The following GPR101 variants were observed in gnomAD, a reference collection of about 807,000 sequenced individuals.
GPR101 encodes probable G protein-coupled receptor 101.
In GPR101, 8 loss-of-function variants were observed where a neutral mutation model predicts 16.4. That is an observed-to-expected ratio of 0.49 (90% CI 0.29 to 0.88). The LOEUF is 0.88. GPR101 is among the 40% of genes least tolerant of loss of function. The pLI, the probability that GPR101 is intolerant of heterozygous loss-of-function variation, is 0.09. For missense variants in GPR101, 375 were observed against 411.7 expected, an observed-to-expected ratio of 0.91 and a Z score of 0.77; for synonymous variants, 155 against 168.7, an observed-to-expected ratio of 0.92 and a Z score of 0.63.
chrX:137,030,001 A>G lies in GPR101; in HGVS notation c.*147T>C. On this transcript the variant is annotated 3_prime_UTR_variant, in exon 2 of 2. Transcript: ENST00000651716. ...CAGTTCCTGCCTCTTCTATATATTT[A>G]TCTACCTTGTGGTGAAGAGCATGTG... The G allele has an allele frequency of 4.4e-6, 2 of 451,196 alleles. No individual in the cohort carries two copies. Among genetic ancestry groups the G allele is most frequent in the South Asian group, 5.7e-5 (1 of 17,509 alleles). The allele number at this position is 451,196 out of a possible 1,213,427, so 37.2% of individuals were successfully genotyped here. A position where few individuals can be genotyped will look rare whatever the true frequency, so the allele number is the denominator to read the frequency against.
chrX:137,028,604 G>A lies in GPR101; in HGVS notation c.*1544C>T, dbSNP rs1378041403. On this transcript the variant is annotated 3_prime_UTR_variant, in exon 2 of 2. Transcript: ENST00000651716. The stretch of plus-strand genomic sequence containing the variant: ...GCATGAACAGTTGGTTGACTCTGGA[G>A]TTGCTTTAACTTGTTCTGTAGGAGG... 8.9e-6 allele frequency among the ~76,000 whole-genome samples: 1 copy of A among 112,192 alleles called. No individual in the cohort carries two copies. Among genetic ancestry groups the A allele is most frequent in the Non-Finnish European group, 1.9e-5 (1 of 53,200 alleles).
In GPR101 at chrX:137,029,390, T is replaced by C. The variant is rs918657605; in HGVS notation, c.*758A>G. 8.9e-6 allele frequency among the ~76,000 whole-genome samples: 1 copy of C among 112,241 alleles called. No homozygotes were observed. Among genetic ancestry groups the C allele is most frequent in the African/African-American group, 3.2e-5 (1 of 30,865 alleles). On this transcript the variant is annotated 3_prime_UTR_variant, in exon 2 of 2. Coordinates refer to ENST00000651716, the MANE Select transcript of GPR101 (RefSeq NM_054021.2). Reference sequence around the variant, plus strand: ...ATTTGTGTCAATTGACAATTTACACTTAATGACCTCAGTTCCAGCCCATGC... The same window carrying C: ...ATTTGTGTCAATTGACAATTTACACCTAATGACCTCAGTTCCAGCCCATGC...
chrX:137,023,969 G>A lies in GPR101; in HGVS notation c.*6179C>T, dbSNP rs765507751. On this transcript the variant is annotated 3_prime_UTR_variant, in exon 2 of 2. Transcript: ENST00000651716. The stretch of plus-strand genomic sequence containing the variant: ...TGACTTTATTTAGAATATTTAAGAG[G>A]AATATACCAAGGATAGAATAACAGC... 7.2e-5 allele frequency among the ~76,000 whole-genome samples: 8 copies of A among 111,459 alleles called. No individual in the cohort carries two copies. Among genetic ancestry groups the A allele is most frequent in the African/African-American group, 2.6e-4 (8 of 30,722 alleles).
intron 1 of GPR101, among the ~76,000 whole-genome samples, chrX:137,032,659 C>T (rs1008090429): frequency 1.8e-5 from 2 of 110,637 alleles, no homozygotes; most frequent in Non-Finnish European, 3.8e-5. Flanking sequence ...CTCTGGGTGT[C>T]TCCTTCTGTC....
In GPR101 at chrX:137,027,719, C is replaced by A. The variant is rs982778688; in HGVS notation, c.*2429G>T. On this transcript the variant is annotated 3_prime_UTR_variant, in exon 2 of 2. Coordinates refer to ENST00000651716, the MANE Select transcript of GPR101 (RefSeq NM_054021.2). ...TCAAAAAGGAAAGGGAATCTCAGTGCCCTTGAGAATGTTGTGTGTGCTGTT... is the reference window on the plus strand; with the variant it reads ...TCAAAAAGGAAAGGGAATCTCAGTGACCTTGAGAATGTTGTGTGTGCTGTT... Among the ~76,000 whole-genome samples, 1 of 112,214 alleles carries A rather than the reference C, an allele frequency of 8.9e-6. No individual in the cohort carries two copies. The highest frequency in any genetic ancestry group is 1.9e-5 in the Non-Finnish European group (1 of 53,235).
rs1207446234 is a variant in GPR101 at position 137,027,787 on chromosome X, A to T, written c.*2361T>A. 2.7e-5 allele frequency among the ~76,000 whole-genome samples: 3 copies of T among 112,598 alleles called. No individual in the cohort carries two copies. Among genetic ancestry groups the T allele is most frequent in the African/African-American group, 9.7e-5 (3 of 31,003 alleles). On this transcript the variant is annotated 3_prime_UTR_variant, in exon 2 of 2. Coordinates refer to ENST00000651716, the MANE Select transcript of GPR101 (RefSeq NM_054021.2). ...TTGTACAGGTTCTGGTTCCATTTTG[A>T]TTTGAGATTTTGGCAAACAATTTTC...
rs1476833194 is a variant in GPR101, at chrX:137,028,968, G to A, written c.*1180C>T. ...TATTTCTCTTTCACATCTGCAGAGAGCTTAAAAGCTTTAAAGAGAGCCACA... is the reference window on the plus strand; with the variant it reads ...TATTTCTCTTTCACATCTGCAGAGAACTTAAAAGCTTTAAAGAGAGCCACA... On this transcript the variant is annotated 3_prime_UTR_variant, in exon 2 of 2. Transcript: ENST00000651716. 1.8e-5 allele frequency among the ~76,000 whole-genome samples: 2 copies of A among 112,283 alleles called. No individual in the cohort carries two copies. Among genetic ancestry groups the A allele is most frequent in the Non-Finnish European group, 3.8e-5 (2 of 53,232 alleles).
rs751618791 is a variant in GPR101 at position 137,025,092 on chromosome X, C to A, written c.*5056G>T. On this transcript the variant is annotated 3_prime_UTR_variant, in exon 2 of 2. Transcript: ENST00000651716. ...AATGACCAATTGTACCAGAATAAGT[C>A]CTCACCTGTCATATATCATATTAGG... 2.1e-4 allele frequency among the ~76,000 whole-genome samples: 24 copies of A among 112,106 alleles called. No individual in the cohort carries two copies. In the South Asian group the frequency reaches 2.3e-3, roughly 11 times the overall value.
intron 1 of GPR101, among the ~76,000 whole-genome samples, chrX:137,032,056 C>T (rs1225730734): frequency 1.8e-5 from 2 of 111,300 alleles, no homozygotes; most frequent in African/African-American, 6.6e-5. Context: ...GTCGCTAGCG[C>T]TAGCGCATGC....
At position 137,024,824 on chromosome X, in the gene GPR101, A is replaced by G. The variant is rs745494642; in HGVS notation, c.*5324T>C. ...TGGATGGTCACATTATGGATCTGCCAAGCGCGAAACCTGTCAGTTCACGGT... is the reference window on the plus strand; with the variant it reads ...TGGATGGTCACATTATGGATCTGCCGAGCGCGAAACCTGTCAGTTCACGGT... On this transcript the variant is annotated 3_prime_UTR_variant, in exon 2 of 2. Coordinates refer to ENST00000651716, the MANE Select transcript of GPR101 (RefSeq NM_054021.2). Among the ~76,000 whole-genome samples, 78 of 111,947 alleles carry G rather than the reference A, an allele frequency of 7.0e-4. No individual in the cohort carries two copies. Among genetic ancestry groups the G allele is most frequent in the Non-Finnish European group, 1.3e-3 (70 of 53,177 alleles).
rs200302047 is a variant in GPR101 at position 137,031,333 on chromosome X, G to C, written c.342C>G (p.Phe114Leu). Residue 114 changes from phenylalanine to leucine, a missense_variant, in exon 2 of 2, where the codon TTC (phenylalanine) becomes TTG (leucine). Phe to Leu is a conservative substitution (Grantham distance 22). Transcript: ENST00000651716. Reference protein sequence around the residue: ...CTALVSLTHLFAFASVNTIVV... With the variant: ...CTALVSLTHLLAFASVNTIVV... ...CAATGGTGTTGACGCTGGCGAAGGCGAACAGGTGGGTGAGGCTAACCAGGG... is the reference window on the plus strand; with the variant it reads ...CAATGGTGTTGACGCTGGCGAAGGCCAACAGGTGGGTGAGGCTAACCAGGG... 8 of 1,202,318 alleles carry C rather than the reference G, an allele frequency of 6.7e-6. No individual in the cohort carries two copies. The African/African-American group carries it at 1.2e-4, about 18-fold the overall frequency.
In GPR101 at chrX:137,030,301, G is replaced by C. The variant is rs1241207886; in HGVS notation, c.1374C>G (p.His458Gln). 1 of 1,209,471 alleles carries C rather than the reference G, an allele frequency of 8.3e-7. No homozygotes were observed. The highest frequency in any genetic ancestry group is 1.8e-5 in the African/African-American group (1 of 57,002). ...CCTGGATTTCCTTCTTAATGGTCTT[G>C]TGCATGTAGCCATAGACATAGGGGT... ...CIHPYVYGYM[H>Q]KTIKKEIQDM... The change falls in exon 2 of 2, where the codon CAC becomes CAG. Residue 458 changes from histidine to glutamine, a missense_variant. Coordinates refer to ENST00000651716, the MANE Select transcript of GPR101 (RefSeq NM_054021.2).
In GPR101 at chrX:137,025,084, G is replaced by A. The variant is rs1927150849; in HGVS notation, c.*5064C>T. Among the ~76,000 whole-genome samples the A allele has an allele frequency of 8.9e-6, 1 of 112,090 alleles. No individual in the cohort carries two copies. Among genetic ancestry groups the A allele is most frequent in the Non-Finnish European group, 1.9e-5 (1 of 53,253 alleles). On this transcript the variant is annotated 3_prime_UTR_variant, in exon 2 of 2. Transcript: ENST00000651716. Reference sequence around the variant, plus strand: ...TTCACACTAATGACCAATTGTACCAGAATAAGTCCTCACCTGTCATATATC... The same window carrying A: ...TTCACACTAATGACCAATTGTACCAAAATAAGTCCTCACCTGTCATATATC...
chrX:137,031,701 G>C lies in GPR101; in HGVS notation c.-27C>G. ...GCAACAGCCAGAGGGCGTGAGACAG[G>C]TTGCAGGCTCAGTGCCGGCACCGGT... On this transcript the variant is annotated 5_prime_UTR_variant, in exon 2 of 2. Coordinates refer to ENST00000651716, the MANE Select transcript of GPR101 (RefSeq NM_054021.2). 8.7e-7 allele frequency: 1 copy of C among 1,148,574 alleles called. No homozygotes were observed. The highest frequency in any genetic ancestry group is 3.0e-5 in the East Asian group (1 of 33,288). 94.7% of individuals were successfully genotyped at this position (1,148,574 alleles called of 1,213,427 possible).
Position 137,031,567 on chromosome X carries a change from G to A in GPR101, c.108C>T (p.Thr36=), listed in dbSNP as rs1351116883. The A allele has an allele frequency of 8.3e-7, 1 of 1,210,125 alleles. No individual in the cohort carries two copies. The highest frequency in any genetic ancestry group is 1.7e-5 in the African/African-American group (1 of 57,400). Residue 36 remains threonine, a synonymous_variant, in exon 2 of 2, where the codon ACC becomes ACT. Coordinates refer to ENST00000651716, the MANE Select transcript of GPR101 (RefSeq NM_054021.2). ...AGGCGGCGAGGAAGATAACCAGCAC[G>A]GTTGAGCGGATGATGCCGTGGGCCA... is the stretch of plus-strand genomic sequence containing the variant. ...ISLAHGIIRS[T]VLVIFLAASF... is the part of the protein sequence containing the mutation.
At position 137,026,013 on chromosome X, in the gene GPR101, G is replaced by A. The variant is rs745336672; in HGVS notation, c.*4135C>T. On this transcript the variant is annotated 3_prime_UTR_variant, in exon 2 of 2. Coordinates refer to ENST00000651716, the MANE Select transcript of GPR101 (RefSeq NM_054021.2). Reference sequence around the variant, plus strand: ...CCTTAGCTTAGAGGGGCTTTGAGGGGCCGAGAGCACTAGTCCAGCCCATGG... The same window carrying A: ...CCTTAGCTTAGAGGGGCTTTGAGGGACCGAGAGCACTAGTCCAGCCCATGG... Among the ~76,000 whole-genome samples the A allele has an allele frequency of 1.8e-5, 2 of 112,259 alleles. No individual in the cohort carries two copies. The highest frequency in any genetic ancestry group is 3.2e-5 in the African/African-American group (1 of 30,873).
chrX:137,031,475 T>C lies in GPR101; in HGVS notation c.200A>G (p.Asn67Ser). The C allele has an allele frequency of 5.8e-6, 7 of 1,199,002 alleles. No homozygotes were observed. Among genetic ancestry groups the C allele is most frequent in the Non-Finnish European group, 7.9e-6 (7 of 889,343 alleles). ...QRKPQLLQVT[N>S]RFIFNLLVTD... ...GACGAGGAGGTTAAAGATAAAACGG[T>C]TGGTCACCTGCAGCAGCTGCGGCTT... The change falls in exon 2 of 2, where the codon AAC becomes AGC. Residue 67 changes from asparagine to serine, a missense_variant. By Grantham distance (46) the Asn-to-Ser change is conservative (BLOSUM62 1). Transcript: ENST00000651716.
chrX:137,030,141 A>G lies in GPR101; in HGVS notation c.*7T>C, dbSNP rs764766859. The G allele has an allele frequency of 2.6e-6, 3 of 1,166,981 alleles. No homozygotes were observed. The East Asian group carries it at 8.9e-5, about 35-fold the overall frequency. The stretch of plus-strand genomic sequence containing the variant: ...TGGACAGTTCAAGGTTTGCCTTAGA[A>G]CTAACTTCAAGGAAAAGTAGCAGAA... On this transcript the variant is annotated 3_prime_UTR_variant, in exon 2 of 2. Transcript: ENST00000651716.
At position 137,033,845 on chromosome X, in the gene GPR101, T is replaced by TC. The variant is rs1287612670; in HGVS notation, c.-137dup. 8.9e-6 allele frequency among the ~76,000 whole-genome samples: 1 copy of TC among 111,910 alleles called. No homozygotes were observed. The highest frequency in any genetic ancestry group is 1.9e-5 in the Non-Finnish European group (1 of 52,836). The stretch of plus-strand genomic sequence containing the variant: ...TGGCGTCGCGGGCGCCGCGTGCAGG[T>TC]CCTTCGGGGCTCCTCGCGCTCGTCC... On this transcript the variant is annotated 5_prime_UTR_variant, in exon 1 of 2. Transcript: ENST00000651716.
Sources: allele counts gnomAD v4.1 joint callset (sites outside exome capture counted in the v4.1 genomes callset), GRCh38; gene constraint gnomAD v4.1.1; transcripts MANE v1.5; gene names NCBI Gene and HGNC (gene_info 2026-07-23, HGNC 2026-07-21).